Variants in GPR143 observed in about 807,000 individuals in gnomAD.
GPR143 encodes G protein-coupled receptor 143.
A neutral mutation model predicts 27.6 loss-of-function variants in GPR143; 8 were observed. The observed-to-expected ratio is 0.29, with a 90% CI of 0.17 to 0.52. The LOEUF is 0.52. GPR143 is among the 20% of genes least tolerant of loss of function. The pLI is 0.96. For missense variants in GPR143, 303 were observed against 343.1 expected, an observed-to-expected ratio of 0.88 and a Z score of 0.92; for synonymous variants, 156 against 153.2, an observed-to-expected ratio of 1.02 and a Z score of -0.13.
chrX:9,738,866 G>A (rs148753092), intron 8 of GPR143, among the ~76,000 whole-genome samples: 1,152 of 111,451 alleles, frequency 0.01, 15 homozygotes, highest in African/African-American at 0.036. Flanking sequence ...CAGGTGATCC[G>A]CCCACCTTGG....
In GPR143 at chrX:9,744,999, C is replaced by T. The variant is rs1601878291; in HGVS notation, c.658+1045G>A. 4.5e-5 allele frequency among the ~76,000 whole-genome samples: 5 copies of T among 112,157 alleles called. No homozygotes were observed. The Admixed American group carries it at 4.7e-4, about 11-fold the overall frequency. ...AGGCGTGGTGGCTCACGCCTGTAAT[C>T]CCGGCACTTTGGGAGGCCAAGGTGG... On this transcript the variant is annotated intron_variant, in intron 5 of 8. Transcript: ENST00000467482.
intron 1 of GPR143, among the ~76,000 whole-genome samples, chrX:9,762,509 A>G (rs2083507457): frequency 8.9e-6 from 1 of 112,083 alleles, no homozygotes; most frequent in Non-Finnish European, 1.9e-5. Context: ...CACACTGTGC[A>G]ATACACTACT....
At chrX:9,766,131 T>C (rs766569670), upstream of GPR143, 2 of 159,666 alleles carry the variant, frequency 1.3e-5, no homozygotes, top group East Asian at 1.3e-4. Context: ...TTTCTCCCCA[T>C]TCACCAAGCC....
intron 3 of GPR143, among the ~76,000 whole-genome samples, chrX:9,750,858 C>T (rs1020810325): frequency 8.9e-6 from 1 of 112,649 alleles, no homozygotes; most frequent in Non-Finnish European, 1.9e-5. Flanking sequence ...CCGCCGTGCC[C>T]GGCCATACAT....
intron 3 of GPR143, among the ~76,000 whole-genome samples, chrX:9,758,902 T>A (rs985946640): frequency 8.9e-6 from 1 of 112,268 alleles, no homozygotes; most frequent in Non-Finnish European, 1.9e-5. Flanking sequence ...AAGTAAAAAA[T>A]AAACAATAAA....
At chrX:9,748,291 G>T (rs1295859635) in intron 4 of GPR143, among the ~76,000 whole-genome samples, 1 of 112,885 alleles carries the variant, frequency 8.9e-6, no homozygotes, top group Non-Finnish European at 1.9e-5. Context: ...ACCTTACGTG[G>T]AGGGAAATAT....
chrX:9,765,795 G>A lies in GPR143; in HGVS notation c.23C>T (p.Thr8Ile), dbSNP rs755646295. 4.5e-6 allele frequency: 5 copies of A among 1,119,670 alleles called. No homozygotes were observed. The highest frequency in any genetic ancestry group is 5.9e-6 in the Non-Finnish European group (5 of 854,132). The allele number at this position is 1,119,670 out of a possible 1,213,427, so 92.3% of individuals were successfully genotyped here. Residue 8 changes from threonine (T) to isoleucine (I), a missense_variant, in exon 1 of 9, where the codon ACC (threonine) becomes ATC (isoleucine). By Grantham distance (89) the Thr-to-Ile change is moderately conservative. Transcript: ENST00000467482. ...TGCGTCCCGCGTGGGGCAGCAGAAG[G>A]TCCCTAGGCGCGGGGAGGCCATGGG... MASPRLG[T>I]FCCPTRDAAT...
intron 8 of GPR143, among the ~76,000 whole-genome samples, chrX:9,737,461 A>G (rs887439699): frequency 8.9e-6 from 1 of 112,512 alleles, no homozygotes; most frequent in Non-Finnish European, 1.9e-5. Flanking sequence ...GAAACCAGAC[A>G]CAACAGGACG....
chrX:9,770,069 G>C (rs111589790), upstream of GPR143, among the ~76,000 whole-genome samples: 419 of 102,387 alleles, frequency 4.1e-3, 2 homozygotes, highest in African/African-American at 0.013. Context: ...CCAGTACTTT[G>C]GGAGGCCAAG....
chrX:9,734,318 C>T (rs2083369666), intron 8 of GPR143, among the ~76,000 whole-genome samples: 1 of 110,014 alleles, frequency 9.1e-6, no homozygotes, highest in Non-Finnish European at 1.9e-5. Flanking sequence ...GGGGAAAATA[C>T]AGGGTATTGT....
chrX:9,739,552 A>C lies in GPR143; in HGVS notation c.1053T>G (p.Pro351=). 8.3e-7 allele frequency: 1 copy of C among 1,211,427 alleles called. No individual in the cohort carries two copies. Among genetic ancestry groups the C allele is most frequent in the South Asian group, 1.8e-5 (1 of 56,888 alleles). Residue 351 remains proline (P), a synonymous_variant, in exon 8 of 9, where the codon CCT becomes CCG. Transcript: ENST00000467482. ...CCACTTGAGACACCTTCCCGGAAGC[A>C]GGGTTTTCATGGGGCATCAGTGGGG... ...HPSPLMPHEN[P]ASGKVSQVGG...
At chrX:9,765,226 C>A (rs1414079131) in intron 1 of GPR143, among the ~76,000 whole-genome samples, 1 of 111,546 alleles carries the variant, frequency 9.0e-6, no homozygotes, top group Non-Finnish European at 1.9e-5. Context: ...GGGCATCGAT[C>A]CGGTCTCAAC....
intron 3 of GPR143, among the ~76,000 whole-genome samples, chrX:9,755,460 G>GAA (rs1316529296): frequency 1.8e-5 from 1 of 57,098 alleles, no homozygotes; most frequent in Non-Finnish European, 3.5e-5. Context: ...AAAAAGAAAA[G>GAA]AAAAAAGAAA....
intron 1 of GPR143, among the ~76,000 whole-genome samples, chrX:9,771,268 C>T (rs750470238): frequency 4.5e-5 from 5 of 111,880 alleles, no homozygotes; most frequent in Non-Finnish European, 9.4e-5. Context: ...GCTATGTTGC[C>T]CAGGCTGGTC....
chrX:9,743,419 T>G (rs1252060900), intron 6 of GPR143, 146 bp downstream of exon 6: 3 of 471,602 alleles, frequency 6.4e-6, no homozygotes, highest in African/African-American at 2.4e-5. Context: ...GTGCCTTTCC[T>G]CAAAGGGCAC....
At chrX:9,768,159 CAG>C (rs1252120496), upstream of GPR143, among the ~76,000 whole-genome samples, 1 of 111,634 alleles carries the variant, frequency 9.0e-6, no homozygotes, top group African/African-American at 3.3e-5. Flanking sequence ...AGATGAGCCT[CAG>C]AGTAAAGGTG....
chrX:9,760,188 T>C (rs2083490223), intron 2 of GPR143, among the ~76,000 whole-genome samples: 3 of 111,261 alleles, frequency 2.7e-5, no homozygotes, highest in Non-Finnish European at 3.8e-5. Context: ...GCCTCCCGGG[T>C]TGAAGCAATT....
Position 9,748,575 on chromosome X carries a change from T to C in GPR143, c.547A>G (p.Arg183Gly). ...AAMLYYPSVS[R>G]CERGLDHAIP... Reference sequence around the variant, plus strand: ...TGGGGCGCTGGAGTCCCAACTTACCTGGACACGGAAGGGTAGTAGAGCATG... The same window carrying C: ...TGGGGCGCTGGAGTCCCAACTTACCCGGACACGGAAGGGTAGTAGAGCATG... The change falls in exon 4 of 9, where the codon AGG (arginine) becomes GGG (glycine). Residue 183 changes from arginine (R) to glycine (G), a missense_variant and splice_region_variant. Coordinates refer to ENST00000467482, the MANE Select transcript of GPR143 (RefSeq NM_000273.3). 1 of 1,190,328 alleles carries C rather than the reference T, an allele frequency of 8.4e-7. No individual in the cohort carries two copies.
chrX:9,731,579 G>T (rs1252745250), intron 8 of GPR143, among the ~76,000 whole-genome samples: 8 of 111,112 alleles, frequency 7.2e-5, no homozygotes, highest in Non-Finnish European at 1.5e-4. Context: ...ATAGGGTATT[G>T]TGGGAGAGAA....
Sources: allele counts gnomAD v4.1 joint callset (sites outside exome capture counted in the v4.1 genomes callset), GRCh38; gene constraint gnomAD v4.1.1; transcripts MANE v1.5; gene names NCBI Gene and HGNC (gene_info 2026-07-23, HGNC 2026-07-21).